ZNF185: variants seen among roughly 807,000 people sequenced by gnomAD.
ZNF185 encodes zinc finger protein 185.
ZNF185 carries 56 observed loss-of-function variants against 58.6 expected under a neutral mutation model. The ratio of observed to expected loss-of-function variants is 0.95; its 90% CI spans 0.77 to 1.19. The LOEUF is 1.19. Ranked by LOEUF, ZNF185 falls within the 50% of genes most tolerant of loss-of-function variation. The probability of loss-of-function intolerance (pLI) is 0.00; values close to 1 mark genes in which losing one functional copy is unlikely to be tolerated. For missense variants in ZNF185, 627 were observed against 573.5 expected (o/e 1.09, Z -0.95); for synonymous variants, 230 against 215.9 (o/e 1.07, Z -0.57).
At chrX:152,917,304 A>G (rs1357380568) in exon 5 of ZNF185, 1 of 1,210,216 alleles carries the variant, frequency 8.3e-7, no homozygotes, top group African/African-American at 1.7e-5. Flanking sequence ...CACCAAGCCC[A>G]TAGACAGCTC....
chrX:152,943,800 G>A (rs1452689395), intron 15 of ZNF185, among the ~76,000 whole-genome samples: 5 of 112,817 alleles, frequency 4.4e-5, no homozygotes, highest in South Asian at 3.6e-4. Flanking sequence ...GGGACAGGAC[G>A]GGACTCTGAT....
rs781841263 is a variant in ZNF185 at position 152,963,211 on chromosome X, C to T, written c.1608-628C>T. Among the ~76,000 whole-genome samples the T allele has an allele frequency of 4.4e-5, 5 of 113,168 alleles. No individual in the cohort carries two copies. The Admixed American group carries it at 4.6e-4, about 10-fold the overall frequency. ...CAGGCAGAGTGAGAGCCGATATTGGCTTGGCCAGAGAAAAGCCCTTTTGGG... is the reference window on the plus strand; with the variant it reads ...CAGGCAGAGTGAGAGCCGATATTGGTTTGGCCAGAGAAAAGCCCTTTTGGG... On this transcript the variant is annotated intron_variant, in intron 17 of 22. Coordinates refer to ENST00000449285, the Ensembl canonical transcript of ZNF185.
At chrX:152,939,852 G>A (rs782177546) in intron 15 of ZNF185, among the ~76,000 whole-genome samples, 33 of 92,754 alleles carry the variant, frequency 3.6e-4, no homozygotes, top group South Asian at 3.0e-3. Flanking sequence ...GCGCAATCTC[G>A]ACTCACTGCA....
intron 16 of ZNF185, among the ~76,000 whole-genome samples, chrX:152,955,484 T>C (rs2048726814): frequency 8.9e-6 from 1 of 112,691 alleles, no homozygotes; most frequent in Non-Finnish European, 1.9e-5. Context: ...AACTATTTGT[T>C]TCCTTAAAGT....
At chrX:152,936,572 C>T in intron 14 of ZNF185, 59 bp downstream of exon 16, 1 of 1,034,782 alleles carries the variant, frequency 9.7e-7, no homozygotes, top group African/African-American at 1.9e-5. Flanking sequence ...GCCTTTGGGG[C>T]CCAGCCTCAG....
chrX:152,958,458 G>GT (rs1359589142), intron 16 of ZNF185, among the ~76,000 whole-genome samples: 1 of 110,764 alleles, frequency 9.0e-6, no homozygotes, highest in Non-Finnish European at 1.9e-5. Context: ...TTTTTCATCT[G>GT]TAAAAAAAAA....
chrX:152,925,194 T>C (rs1212884908), intron 11 of ZNF185, among the ~76,000 whole-genome samples: 1 of 111,584 alleles, frequency 9.0e-6, no homozygotes, highest in Non-Finnish European at 1.9e-5. Flanking sequence ...TAGTCCCAGC[T>C]ACTTGGGAGG....
intron 16 of ZNF185, among the ~76,000 whole-genome samples, chrX:152,948,197 T>C (rs2047966206): frequency 9.0e-6 from 1 of 111,454 alleles, no homozygotes; most frequent in Non-Finnish European, 1.9e-5. Flanking sequence ...TATGTAGAAC[T>C]CATGACTGCC....
chrX:152,916,370 C>G (rs1051412520), intron 3 of ZNF185, among the ~76,000 whole-genome samples: 5 of 111,417 alleles, frequency 4.5e-5, no homozygotes, highest in African/African-American at 1.6e-4. Flanking sequence ...TGCCCGGAGG[C>G]CAGAACTTCC....
At chrX:152,920,982 G>T (rs1159531607) in intron 9 of ZNF185, among the ~76,000 whole-genome samples, 1 of 112,736 alleles carries the variant, frequency 8.9e-6, no homozygotes, top group Non-Finnish European at 1.9e-5. Flanking sequence ...TGGCTAATGG[G>T]GCTGGGCCCC....
exon 23 of ZNF185, chrX:152,972,454 C>A (rs202187034): frequency 2.7e-5 from 3 of 110,138 alleles, no homozygotes; most frequent in African/African-American, 6.6e-5. Flanking sequence ...TGAATTATCC[C>A]CCCCCCCATG....
chrX:152,947,732 G>A (rs2047925973), intron 16 of ZNF185, among the ~76,000 whole-genome samples: 1 of 112,421 alleles, frequency 8.9e-6, no homozygotes, highest in Admixed American at 9.4e-5. Context: ...GCCTTTGGAA[G>A]GCAGTGTGTA....
At chrX:152,935,368 T>C (rs921694619) in intron 14 of ZNF185, among the ~76,000 whole-genome samples, 2 of 109,177 alleles carry the variant, frequency 1.8e-5, no homozygotes, top group Non-Finnish European at 3.8e-5. Flanking sequence ...CCCAAGTAGC[T>C]GGGACTACAG....
At chrX:152,902,322 C>T in the ZNF185 span, among the ~76,000 whole-genome samples, 2 of 112,281 alleles carry the variant, frequency 1.8e-5, no homozygotes, top group Non-Finnish European at 3.8e-5. Context: ...TTGGTCTAGT[C>T]CCTGTGATCT....
chrX:152,919,121 G>T (rs189557474), intron 7 of ZNF185, 40 bp downstream of exon 8: 1 of 1,071,304 alleles, frequency 9.3e-7, no homozygotes, highest in East Asian at 3.0e-5. Flanking sequence ...GGGGGGCAGG[G>T]CAGGAGCCTG....
chrX:152,914,412 G>A (rs782388987), upstream of ZNF185: 1 of 937,996 alleles, frequency 1.1e-6, no homozygotes, highest in East Asian at 3.4e-5. Flanking sequence ...ACAAATGCAT[G>A]AAGTGACAGC....
intron 17 of ZNF185, among the ~76,000 whole-genome samples, chrX:152,960,750 A>G (rs2049374924): frequency 8.9e-6 from 1 of 112,817 alleles, no homozygotes; most frequent in Non-Finnish European, 1.9e-5. Flanking sequence ...GTCATTTCCA[A>G]AAATCCATGG....
At position 152,938,391 on chromosome X, in the gene ZNF185, C is replaced by T. The variant is rs192148137; in HGVS notation, c.1211+228C>T. On this transcript the variant is annotated intron_variant, in intron 15 of 22. Transcript: ENST00000449285. ...GAAATACATCATAGTCAGAAAGGGT[C>T]TTTCAGTCAGCAACCACTCTGACAG... 4.7e-3 allele frequency among the ~76,000 whole-genome samples: 532 copies of T among 112,503 alleles called. 11 individuals are homozygous for T. The highest frequency in any genetic ancestry group is 0.017 in the African/African-American group (512 of 30,946).
upstream of ZNF185, among the ~76,000 whole-genome samples, chrX:152,913,077 C>A (rs1251035296): frequency 6.2e-5 from 7 of 112,765 alleles, no homozygotes; most frequent in South Asian, 7.3e-4. Flanking sequence ...CGTCCCCCTG[C>A]CCTGCCCATT....
Sources: allele counts gnomAD v4.1 joint callset (sites outside exome capture counted in the v4.1 genomes callset), GRCh38; gene constraint gnomAD v4.1.1; transcripts MANE v1.5; gene names NCBI Gene and HGNC (gene_info 2026-07-23, HGNC 2026-07-21).